ERC2: variants seen among roughly 807,000 people sequenced by gnomAD.
The protein encoded by ERC2 is ERC protein 2.
In ERC2, 42 loss-of-function variants were observed where a neutral mutation model predicts 114.8. The ratio of observed to expected loss-of-function variants is 0.37; its 90% CI spans 0.29 to 0.47. The LOEUF (loss-of-function observed/expected upper bound fraction) is 0.47, where lower values mean the gene tolerates loss of function less well. Among genes scored for constraint, ERC2 ranks in the 20% least tolerant of loss-of-function variants. ERC2 has a pLI of 0.99. For synonymous variants in ERC2, 454 were observed against 425.5 expected (o/e 1.07, Z -0.82); for missense variants, 939 against 1,150.7 (o/e 0.82, Z 2.66).
At chr3:56,078,089 T>C (rs948242667) in intron 7 of ERC2, among the ~76,000 whole-genome samples, 2 of 152,198 alleles carry the variant, frequency 1.3e-5, no homozygotes, top group East Asian at 1.9e-4. Flanking sequence ...CATCTCTCTG[T>C]TATTCCCACG....
intron 17 of ERC2, chr3:55,658,752 T>A (rs567346872): frequency 1.3e-5 from 2 of 152,798 alleles, no homozygotes; most frequent in Non-Finnish European, 2.9e-5. Flanking sequence ...TCTGAGTAGT[T>A]CTGACTTGCC....
chr3:56,236,500 A>C (rs9816050), intron 3 of ERC2, among the ~76,000 whole-genome samples: 4,337 of 152,264 alleles, frequency 0.028, 69 homozygotes, highest in Middle Eastern at 0.054. Flanking sequence ...ACTTATTTGT[A>C]GAGGAGGGCA....
chr3:56,362,253 G>C (rs1313648308), intron 2 of ERC2, among the ~76,000 whole-genome samples: 1 of 152,216 alleles, frequency 6.6e-6, no homozygotes, highest in Non-Finnish European at 1.5e-5. Context: ...AAGTGTTAGA[G>C]CTTCAAGGTT....
At chr3:55,761,338 C>A (rs940964172) in intron 14 of ERC2, among the ~76,000 whole-genome samples, 1 of 151,958 alleles carries the variant, frequency 6.6e-6, no homozygotes, top group African/African-American at 2.4e-5. Flanking sequence ...TAAATATTTT[C>A]TTTTAATACA....
At chr3:55,758,850 G>GTTT (rs1379222423) in intron 14 of ERC2, among the ~76,000 whole-genome samples, 1 of 152,206 alleles carries the variant, frequency 6.6e-6, no homozygotes, top group Non-Finnish European at 1.5e-5. Flanking sequence ...ACAGTCTTCA[G>GTTT]TAAGATCTCT....
At chr3:56,153,565 T>C (rs2081543961) in intron 4 of ERC2, among the ~76,000 whole-genome samples, 1 of 152,150 alleles carries the variant, frequency 6.6e-6, no homozygotes, top group Admixed American at 6.6e-5. Flanking sequence ...AACTTAACAT[T>C]AAGTGTACAG....
At chr3:55,663,494 C>T (rs995718642) in intron 17 of ERC2, among the ~76,000 whole-genome samples, 5 of 152,320 alleles carry the variant, frequency 3.3e-5, no homozygotes, top group African/African-American at 1.2e-4. Context: ...GTTCTTTCAG[C>T]TTCAAAGAAA....
intron 1 of ERC2, among the ~76,000 whole-genome samples, chr3:56,439,995 G>A (rs1403700317): frequency 6.6e-6 from 1 of 152,100 alleles, no homozygotes; most frequent in East Asian, 1.9e-4. Context: ...AAATTGTATA[G>A]CATTGGGATC....
At chr3:56,288,502 T>G (rs1306187690) in intron 3 of ERC2, among the ~76,000 whole-genome samples, 1 of 152,134 alleles carries the variant, frequency 6.6e-6, no homozygotes, top group Non-Finnish European at 1.5e-5. Flanking sequence ...TCTGTTACCG[T>G]AAAAAGCAGT....
intron 6 of ERC2, among the ~76,000 whole-genome samples, chr3:56,111,297 C>T (rs1275077475): frequency 2.8e-5 from 3 of 105,942 alleles, no homozygotes; most frequent in African/African-American, 1.2e-4. Context: ...TTCTCTCTCC[C>T]TCTTTCTCTC....
intron 5 of ERC2, among the ~76,000 whole-genome samples, chr3:56,144,887 C>T (rs2081057525): frequency 6.6e-6 from 1 of 152,140 alleles, no homozygotes; most frequent in Admixed American, 6.5e-5. Flanking sequence ...ATCCCTTTTG[C>T]TTCTTTTACA....
At chr3:55,551,131 C>CACACACATACATATAT (rs992059868) in intron 17 of ERC2, among the ~76,000 whole-genome samples, 1 of 151,292 alleles carries the variant, frequency 6.6e-6, no homozygotes, top group Non-Finnish European at 1.5e-5. Context: ...TATAGATATA[C>CACACACATACATATAT]ACACACATAC....
At chr3:56,258,466 T>C (rs549595032) in intron 3 of ERC2, among the ~76,000 whole-genome samples, 39 of 151,960 alleles carry the variant, frequency 2.6e-4, no homozygotes, top group Non-Finnish European at 4.7e-4. Context: ...GACCATCCTG[T>C]GAATGGTGAA....
At chr3:56,036,923 A>T (rs1480659424) in intron 7 of ERC2, among the ~76,000 whole-genome samples, 3 of 152,186 alleles carry the variant, frequency 2.0e-5, no homozygotes, top group Non-Finnish European at 4.4e-5. Flanking sequence ...CAGCTGCCAC[A>T]GCAAACCATA....
At chr3:55,570,529 C>T (rs759091054) in intron 17 of ERC2, among the ~76,000 whole-genome samples, 1 of 152,034 alleles carries the variant, frequency 6.6e-6, no homozygotes, top group Non-Finnish European at 1.5e-5. Flanking sequence ...GAGCTGCAGC[C>T]GGATGATGCA....
chr3:55,790,123 G>T (rs930927416), intron 14 of ERC2, among the ~76,000 whole-genome samples: 3 of 152,148 alleles, frequency 2.0e-5, no homozygotes, highest in Non-Finnish European at 4.4e-5. Context: ...TTTATTCCCT[G>T]CAGGATAAAG....
intron 2 of ERC2, among the ~76,000 whole-genome samples, chr3:56,334,689 A>G (rs895695808): frequency 6.6e-6 from 1 of 152,226 alleles, no homozygotes; most frequent in African/African-American, 2.4e-5. Flanking sequence ...GAAAACATTT[A>G]AAACGTTGCC....
chr3:55,681,754 C>T (rs552884195), intron 17 of ERC2, among the ~76,000 whole-genome samples: 10 of 152,110 alleles, frequency 6.6e-5, no homozygotes, highest in South Asian at 2.1e-4. Context: ...GGGAAATTCA[C>T]GAAGAAATAA....
At chr3:55,769,905 A>G (rs766410529) in intron 14 of ERC2, among the ~76,000 whole-genome samples, 5 of 152,152 alleles carry the variant, frequency 3.3e-5, no homozygotes, top group African/African-American at 4.8e-5. Flanking sequence ...GTCATTCACA[A>G]TTATTTGCTC....
Sources: allele counts gnomAD v4.1 joint callset (sites outside exome capture counted in the v4.1 genomes callset), GRCh38; gene constraint gnomAD v4.1.1; transcripts MANE v1.5; gene names NCBI Gene and HGNC (gene_info 2026-07-23, HGNC 2026-07-21).